The following SORCS3 variants were observed in gnomAD, a reference collection of about 807,000 sequenced individuals.
SORCS3 encodes VPS10 domain-containing receptor SorCS3.
In SORCS3, 57 loss-of-function variants were observed where a neutral mutation model predicts 146.3. The ratio of observed to expected loss-of-function variants is 0.39; its 90% CI spans 0.31 to 0.49. SORCS3 has a LOEUF of 0.49. Ranked by LOEUF, SORCS3 falls within the 20% of genes least tolerant of loss-of-function variation. SORCS3 has a pLI of 0.92. For synonymous variants in SORCS3, 653 were observed against 618.5 expected, an observed-to-expected ratio of 1.06 and a Z score of -0.83; for missense variants, 1,341 against 1,575.5, an observed-to-expected ratio of 0.85 and a Z score of 2.52.
At chr10:104,879,519 C>T (rs1178525053) in intron 2 of SORCS3, among the ~76,000 whole-genome samples, 1 of 152,172 alleles carries the variant, frequency 6.6e-6, no homozygotes, top group South Asian at 2.1e-4. Flanking sequence ...TATGCTAAGT[C>T]CCTTTTGCAA....
At chr10:105,107,318 T>G (rs2055829324) in intron 7 of SORCS3, among the ~76,000 whole-genome samples, 1 of 151,922 alleles carries the variant, frequency 6.6e-6, no homozygotes, top group African/African-American at 2.4e-5. Flanking sequence ...TTTAGATTTT[T>G]TTTTTTTTTT....
At chr10:104,922,064 G>A (rs1191981113) in intron 3 of SORCS3, among the ~76,000 whole-genome samples, 2 of 152,188 alleles carry the variant, frequency 1.3e-5, no homozygotes, top group Non-Finnish European at 2.9e-5. Flanking sequence ...GAGAGGCACC[G>A]CGTGTGTGGT....
chr10:105,038,953 T>TAAC (rs148326117), intron 4 of SORCS3, among the ~76,000 whole-genome samples: 1,964 of 152,286 alleles, frequency 0.013, 26 homozygotes, highest in African/African-American at 0.035. Flanking sequence ...AAGAAGAACA[T>TAAC]ACTAATTGCC....
chr10:104,846,177 T>A (rs75825131), intron 2 of SORCS3, among the ~76,000 whole-genome samples: 3,341 of 152,258 alleles, frequency 0.022, 107 homozygotes, highest in African/African-American at 0.068. Flanking sequence ...AGAGTGTGAC[T>A]GAGGAAAGGG....
chr10:104,971,041 T>A (rs764327957), intron 3 of SORCS3, among the ~76,000 whole-genome samples: 1 of 152,166 alleles, frequency 6.6e-6, no homozygotes, highest in Non-Finnish European at 1.5e-5. Flanking sequence ...TCAGAGAAGT[T>A]GAGTTGAGCT....
At chr10:104,961,578 T>C (rs1393430431) in intron 3 of SORCS3, among the ~76,000 whole-genome samples, 2 of 152,216 alleles carry the variant, frequency 1.3e-5, no homozygotes, top group South Asian at 2.1e-4. Context: ...AAAAATAATG[T>C]GGCCACCAAT....
At chr10:104,874,821 C>T (rs938462987) in intron 2 of SORCS3, among the ~76,000 whole-genome samples, 1 of 152,150 alleles carries the variant, frequency 6.6e-6, no homozygotes, top group African/African-American at 2.4e-5. Flanking sequence ...GATGACTTCT[C>T]TATCAATATT....
At chr10:105,134,335 A>G (rs2056043304) in intron 7 of SORCS3, among the ~76,000 whole-genome samples, 1 of 152,108 alleles carries the variant, frequency 6.6e-6, no homozygotes, top group African/African-American at 2.4e-5. Flanking sequence ...TATTATTTTT[A>G]TTATTATGTA....
chr10:105,262,221 G>A, intron 25 of SORCS3, 110 bp from the exon 26 acceptor site: 2 of 984,034 alleles, frequency 2.0e-6, no homozygotes, highest in African/African-American at 3.2e-5. Context: ...TCCCTGACAT[G>A]GACCCTTCCT....
rs2016204892 is a variant in SORCS3 at position 104,696,542 on chromosome 10, A to G, written c.627+54588A>G. 2.7e-5 allele frequency among the ~76,000 whole-genome samples: 2 copies of G among 73,344 alleles called. 1 individual carries two copies. The highest frequency in any genetic ancestry group is 8.8e-4 in the South Asian group (2 of 2,266). 48.1% of individuals were successfully genotyped at this position (73,344 alleles called of 152,430 possible). A position where few individuals can be genotyped will look rare whatever the true frequency, so the allele number is the denominator to read the frequency against. On this transcript the variant is annotated intron_variant, in intron 1 of 26. Coordinates refer to ENST00000369701, the MANE Select transcript of SORCS3 (RefSeq NM_014978.3). ...AATATAGAATATATATTATATACAT[A>G]TATAATATAGAATATATAATATACG...
At chr10:104,758,002 C>A (rs192600484) in intron 1 of SORCS3, among the ~76,000 whole-genome samples, 3 of 152,196 alleles carry the variant, frequency 2.0e-5, no homozygotes, top group African/African-American at 7.2e-5. Flanking sequence ...TCACATCAGT[C>A]TGGAACATAA....
rs2056887891 is a variant in SORCS3, at chr10:105,249,726, AT to A, written c.3105+2396del. 2.0e-5 allele frequency among the ~76,000 whole-genome samples: 3 copies of A among 151,852 alleles called. No homozygotes were observed. In the South Asian group the frequency reaches 6.2e-4, roughly 32 times the overall value. ...TGAAACTCCATCTCTACAAAAATAAATAAAAAAAATTTATCCGGGCATGGTG... is the reference window on the plus strand; with the variant it reads ...TGAAACTCCATCTCTACAAAAATAAAAAAAAAAATTTATCCGGGCATGGTG... On this transcript the variant is annotated intron_variant, in intron 22 of 26. Coordinates refer to ENST00000369701, the MANE Select transcript of SORCS3 (RefSeq NM_014978.3).
chr10:105,190,699 G>A (rs1483480907), intron 14 of SORCS3, among the ~76,000 whole-genome samples: 2 of 152,116 alleles, frequency 1.3e-5, no homozygotes, highest in Non-Finnish European at 2.9e-5. Flanking sequence ...ACTGTGCCTG[G>A]CCTAGTAATA....
intron 13 of SORCS3, among the ~76,000 whole-genome samples, chr10:105,168,703 G>C (rs1236876051): frequency 6.6e-6 from 1 of 152,086 alleles, no homozygotes; most frequent in African/African-American, 2.4e-5. Flanking sequence ...GACTTAAGAA[G>C]GATTCTCTCA....
intron 4 of SORCS3, among the ~76,000 whole-genome samples, chr10:104,980,169 G>A (rs1174124830): frequency 6.6e-6 from 1 of 152,162 alleles, no homozygotes; most frequent in African/African-American, 2.4e-5. Flanking sequence ...GTGGCAGTGG[G>A]TGTTGATGGA....
At chr10:105,106,217 C>T (rs576346794) in intron 7 of SORCS3, among the ~76,000 whole-genome samples, 4 of 152,316 alleles carry the variant, frequency 2.6e-5, no homozygotes, top group African/African-American at 9.6e-5. Flanking sequence ...ATTTCCCACA[C>T]TCTGCCTTTC....
chr10:104,703,638 A>T (rs761302739), intron 1 of SORCS3, among the ~76,000 whole-genome samples: 28 of 151,640 alleles, frequency 1.8e-4, no homozygotes, highest in Non-Finnish European at 4.0e-4. Flanking sequence ...GAGGATGGGT[A>T]AATAGGTGCA....
intron 16 of SORCS3, 36 bp from the exon 17 acceptor site, chr10:105,211,101 A>C (rs369766052): frequency 6.8e-7 from 1 of 1,469,814 alleles, no homozygotes; most frequent in Non-Finnish European, 9.5e-7. Flanking sequence ...GCGTTTGTAC[A>C]TATATACTAC....
chr10:105,061,326 G>A lies in SORCS3; in HGVS notation c.1028+18198G>A, dbSNP rs1453660838. Among the ~76,000 whole-genome samples, 6 of 139,758 alleles carry A rather than the reference G, an allele frequency of 4.3e-5. No individual in the cohort carries two copies. The South Asian group carries it at 7.0e-4, about 16-fold the overall frequency. 91.7% of individuals were successfully genotyped at this position (139,758 alleles called of 152,430 possible). A position where few individuals can be genotyped will look rare whatever the true frequency, so the allele number is the denominator to read the frequency against. ...TTTTTTTTTTTTGAGGTGGAGTCTC[G>A]CTCTGTCACCCAGGCTGGAGTGCAG... On this transcript the variant is annotated intron_variant, in intron 5 of 26. Transcript: ENST00000369701.
Sources: gnomAD v4.1 joint callset for allele counts (sites outside exome capture counted in the v4.1 genomes callset) on GRCh38, gnomAD v4.1.1 for gene constraint, MANE v1.5 for transcripts, NCBI Gene and HGNC (gene_info 2026-07-23, HGNC 2026-07-21) for gene names.